RPL23: variants seen among roughly 807,000 people sequenced by gnomAD.
The protein encoded by RPL23 is large ribosomal subunit protein uL14.
For synonymous variants in RPL23, 63 were observed against 65.3 expected (o/e 0.97, Z 0.17); for missense variants, 79 against 178.8 (o/e 0.44, Z 3.18).
intron 3 of RPL23, 129 bp from the exon 4 acceptor site, chr17:38,850,604 A>G (rs1440521385): frequency 4.5e-6 from 3 of 664,410 alleles, no homozygotes; most frequent in Middle Eastern, 7.4e-4. Flanking sequence ...TCAATCTTCA[A>G]GGTGATCCTC....
At position 38,852,773 on chromosome 17, in the gene RPL23, C is replaced by CA. The variant is rs773713051; in HGVS notation, c.98-42dup. ...AATAAAAATAAAAAATGTTGAGGGCCATCAGGCCGTTCCATCAGTATAACA... is the reference window on the plus strand; with the variant it reads ...AATAAAAATAAAAAATGTTGAGGGCCAATCAGGCCGTTCCATCAGTATAACA... On this transcript the variant is annotated intron_variant, in intron 2 of 4. Coordinates refer to ENST00000479035, the MANE Select transcript of RPL23 (RefSeq NM_000978.4). 16 of 1,613,508 alleles carry CA rather than the reference C, an allele frequency of 9.9e-6. No homozygotes were observed. In the East Asian group the frequency reaches 3.6e-4, roughly 36 times the overall value.
rs1912934879 is a variant in RPL23, at chr17:38,849,228, A to G, written c.*904T>C. 1 of 152,112 alleles carries G rather than the reference A, an allele frequency of 6.6e-6. No homozygotes were observed. The highest frequency in any genetic ancestry group is 2.4e-5 in the African/African-American group (1 of 41,398). The allele number at this position is 152,112 out of a possible 1,614,324, so 9.4% of individuals were successfully genotyped here. On this transcript the variant is annotated 3_prime_UTR_variant, in exon 5 of 5. Transcript: ENST00000479035. ...ATTACTGTTGTTTTATAAATATTCA[A>G]TTTACTCCAAATCTGTTAACTGCTA...
At chr17:38,852,561 C>T in intron 3 of RPL23, 43 bp downstream of exon 3, 1 of 1,608,874 alleles carries the variant, frequency 6.2e-7, no homozygotes, top group East Asian at 2.2e-5. Flanking sequence ...AAAGCGTCCC[C>T]CCACTACTCA....
At position 38,849,923 on chromosome 17, in the gene RPL23, G is replaced by A. The variant is rs1009797962; in HGVS notation, c.*209C>T. On this transcript the variant is annotated 3_prime_UTR_variant, in exon 5 of 5. Coordinates refer to ENST00000479035, the MANE Select transcript of RPL23 (RefSeq NM_000978.4). ...TCACTTGAGATCAGGAGTTTGAGTC[G>A]TTTGGCAAACATGGTGAAACCCTGT... 2.4e-5 allele frequency: 11 copies of A among 465,318 alleles called. No homozygotes were observed. The highest frequency in any genetic ancestry group is 1.5e-4 in the Admixed American group (4 of 26,186). 28.8% of individuals were successfully genotyped at this position (465,318 alleles called of 1,614,324 possible). A position where few individuals can be genotyped will look rare whatever the true frequency, so the allele number is the denominator to read the frequency against.
Position 38,848,069 on chromosome 17 carries a change from A to G in RPL23, c.*2063T>C, listed in dbSNP as rs1251203835. On this transcript the variant is annotated 3_prime_UTR_variant, in exon 5 of 5. Coordinates refer to ENST00000479035, the MANE Select transcript of RPL23 (RefSeq NM_000978.4). ...GTGACAGAGCAAGACTGCCTCAGAA[A>G]AGATAACATTCAAAAACAGCAGCGA... 5.2e-6 allele frequency: 8 copies of G among 1,534,080 alleles called. No individual in the cohort carries two copies. The East Asian group carries it at 2.0e-4, about 38-fold the overall frequency.
At chr17:38,853,381 T>G in intron 1 of RPL23, 1 of 707,416 alleles carries the variant, frequency 1.4e-6, no homozygotes. Context: ...CAATTACTCC[T>G]GCAAGGCATA....
rs757946306 is a variant in RPL23 at position 38,850,143 on chromosome 17, T to C, written c.412A>G (p.Ser138Gly). The C allele has an allele frequency of 1.2e-6, 2 of 1,601,720 alleles. No individual in the cohort carries two copies. The highest frequency in any genetic ancestry group is 2.2e-5 in the East Asian group (1 of 44,636). The part of the protein sequence containing the change: ...LWPRIASNAG[S>G]IA ...AATATACTGGAGAATCATGCAATGCTGCCAGCATTGGATGCAATCCGGGGC... is the reference window on the plus strand; with the variant it reads ...AATATACTGGAGAATCATGCAATGCCGCCAGCATTGGATGCAATCCGGGGC... The change falls in exon 5 of 5, where the codon AGC becomes GGC. Residue 138 changes from serine to glycine, a missense_variant. Coordinates refer to ENST00000479035, the MANE Select transcript of RPL23 (RefSeq NM_000978.4).
At position 38,848,994 on chromosome 17, in the gene RPL23, C is replaced by A. The variant is rs747163445; in HGVS notation, c.*1138G>T. On this transcript the variant is annotated 3_prime_UTR_variant, in exon 5 of 5. Coordinates refer to ENST00000479035, the MANE Select transcript of RPL23 (RefSeq NM_000978.4). ...TTACACGTTTAGAAAGAAATGCTAA[C>A]AACCTCCTACCTTAAGGCCAAGTCC... 6.6e-6 allele frequency: 1 copy of A among 152,186 alleles called. No individual in the cohort carries two copies. The highest frequency in any genetic ancestry group is 1.5e-5 in the Non-Finnish European group (1 of 68,022). 9.4% of individuals were successfully genotyped at this position (152,186 alleles called of 1,614,324 possible).
chr17:38,851,488 A>G (rs1199849497), intron 3 of RPL23: 1 of 152,100 alleles, frequency 6.6e-6, no homozygotes, highest in Admixed American at 6.6e-5. Context: ...TTGGAAACTC[A>G]CAACTAGTTT....
At chr17:38,853,645 C>T (rs1913071468) in intron 1 of RPL23, 53 bp downstream of exon 1, 1 of 1,612,772 alleles carries the variant, frequency 6.2e-7, no homozygotes, top group Non-Finnish European at 8.5e-7. Flanking sequence ...CTGACGAATC[C>T]GCCAGCCACT....
chr17:38,853,598 G>T, intron 1 of RPL23, 100 bp downstream of exon 1: 1 of 1,454,164 alleles, frequency 6.9e-7, no homozygotes, highest in Non-Finnish European at 9.7e-7. Context: ...CGGCCTGAAG[G>T]AGAGCAAAGC....
At chr17:38,853,270 C>A (rs563160861) in intron 1 of RPL23, 165 bp from the exon 2 acceptor site, 28 of 662,286 alleles carry the variant, frequency 4.2e-5, no homozygotes, top group Non-Finnish European at 7.7e-5. Context: ...CATGTGCCAC[C>A]CGATTCTCAC....
chr17:38,851,913 A>G (rs1913013254), intron 3 of RPL23: 3 of 152,228 alleles, frequency 2.0e-5, no homozygotes, highest in Admixed American at 2.0e-4. Context: ...AGGCAGGCAC[A>G]GGAAAAAAGT....
At position 38,848,103 on chromosome 17, in the gene RPL23, TAATA is replaced by T; in HGVS notation, c.*2025_*2028del. 2.0e-6 allele frequency: 3 copies of T among 1,514,642 alleles called. No homozygotes were observed. Among genetic ancestry groups the T allele is most frequent in the South Asian group, 2.5e-5 (2 of 79,608 alleles). 93.8% of individuals were successfully genotyped at this position (1,514,642 alleles called of 1,614,324 possible). On this transcript the variant is annotated 3_prime_UTR_variant, in exon 5 of 5. Transcript: ENST00000479035. Reference sequence around the variant, plus strand: ...TTCAAAAACAGCAGCGATTAGTGGTTAATATATAAGGATCATATATTGCCATAAT... The same window carrying T: ...TTCAAAAACAGCAGCGATTAGTGGTTTATAAGGATCATATATTGCCATAAT...
chr17:38,850,648 G>A (rs1912974954), intron 3 of RPL23, 173 bp from the exon 4 acceptor site: 1 of 567,874 alleles, frequency 1.8e-6, no homozygotes. Context: ...TGGACTACAG[G>A]TGCACACTAC....
At chr17:38,850,961 G>GACC (rs1912985208) in intron 3 of RPL23, 1 of 152,866 alleles carries the variant, frequency 6.5e-6, no homozygotes, top group African/African-American at 2.4e-5. Context: ...AATGAGCAGA[G>GACC]ACCAAGCTAT....
At chr17:38,853,472 C>G in intron 1 of RPL23, 1 of 721,354 alleles carries the variant, frequency 1.4e-6, no homozygotes, top group Non-Finnish European at 2.6e-6. Flanking sequence ...GCGGAGCGAT[C>G]TCGCGGTATC....
In RPL23 at chr17:38,848,212, G is replaced by A; in HGVS notation, c.*1920C>T. 1.2e-6 allele frequency: 1 copy of A among 825,118 alleles called. No individual in the cohort carries two copies. The highest frequency in any genetic ancestry group is 1.7e-6 in the Non-Finnish European group (1 of 603,160). 51.1% of individuals were successfully genotyped at this position (825,118 alleles called of 1,614,324 possible). A position where few individuals can be genotyped will look rare whatever the true frequency, so the allele number is the denominator to read the frequency against. On this transcript the variant is annotated 3_prime_UTR_variant, in exon 5 of 5. Coordinates refer to ENST00000479035, the MANE Select transcript of RPL23 (RefSeq NM_000978.4). ...AATTGACCATACTCAGGGATGTTATGGTGTAACTCTCTAAAACTAGAGATT... is the reference window on the plus strand; with the variant it reads ...AATTGACCATACTCAGGGATGTTATAGTGTAACTCTCTAAAACTAGAGATT...
In RPL23 at chr17:38,847,865, T is replaced by G; in HGVS notation, c.*2267A>C. ...TGACAAAGGAAAACATTTAGTGAAGTGTAAATATAAAGTTTTTTAATCCAA... is the reference window on the plus strand; with the variant it reads ...TGACAAAGGAAAACATTTAGTGAAGGGTAAATATAAAGTTTTTTAATCCAA... On this transcript the variant is annotated 3_prime_UTR_variant, in exon 5 of 5. Coordinates refer to ENST00000479035, the MANE Select transcript of RPL23 (RefSeq NM_000978.4). 6.9e-7 allele frequency: 1 copy of G among 1,450,048 alleles called. No homozygotes were observed. Among genetic ancestry groups the G allele is most frequent in the Middle Eastern group, 1.8e-4 (1 of 5,580 alleles). 89.8% of individuals were successfully genotyped at this position (1,450,048 alleles called of 1,614,324 possible).
Sources: gnomAD v4.1 joint callset for allele counts on GRCh38, gnomAD v4.1.1 for gene constraint, MANE v1.5 for transcripts, NCBI Gene and HGNC (gene_info 2026-07-23, HGNC 2026-07-21) for gene names.